COL23A1: variants seen among roughly 807,000 people sequenced by gnomAD.
The protein encoded by COL23A1 is collagen type XXIII alpha 1 chain, also known as collagen alpha-1(XXIII) chain.
In COL23A1, 97 loss-of-function variants were observed where a neutral mutation model predicts 99.3. That is an observed-to-expected ratio of 0.98 (90% CI 0.83 to 1.16). The LOEUF (loss-of-function observed/expected upper bound fraction) is 1.16, where lower values mean the gene tolerates loss of function less well. Ranked by LOEUF, COL23A1 falls within the 50% of genes most tolerant of loss-of-function variation. The probability of loss-of-function intolerance (pLI) is 0.00; values close to 1 mark genes in which losing one functional copy is unlikely to be tolerated. For missense variants in COL23A1, 762 were observed against 757.4 expected (o/e 1.01, Z -0.07); for synonymous variants, 320 against 308.2 (o/e 1.04, Z -0.40).
At chr5:178,431,671 C>T (rs1167318442) in intron 2 of COL23A1, among the ~76,000 whole-genome samples, 1 of 152,228 alleles carries the variant, frequency 6.6e-6, no homozygotes, top group Non-Finnish European at 1.5e-5. Flanking sequence ...GGATTCTCCC[C>T]TGGAGCCTCC....
intron 8 of COL23A1, among the ~76,000 whole-genome samples, chr5:178,266,462 T>C (rs1027110559): frequency 1.3e-5 from 2 of 151,316 alleles, no homozygotes; most frequent in Non-Finnish European, 2.9e-5. Context: ...ACGAGGAGGG[T>C]TGGGGGATTG....
At chr5:178,261,006 A>ATCTGTAG (rs201426642) in intron 11 of COL23A1, among the ~76,000 whole-genome samples, 29,855 of 152,120 alleles carry the variant, frequency 0.2, 3,218 homozygotes, top group Middle Eastern at 0.28. Context: ...TGGTCTGTCC[A>ATCTGTAG]CACAGGTGGG....
chr5:178,521,730 T>C (rs570668033), intron 2 of COL23A1, among the ~76,000 whole-genome samples: 159 of 152,318 alleles, frequency 1.0e-3, no homozygotes, highest in African/African-American at 3.6e-3. Context: ...GAAGTCCTTA[T>C]GCTAAGTGAA....
intron 2 of COL23A1, among the ~76,000 whole-genome samples, chr5:178,336,487 A>G (rs1054943684): frequency 2.0e-5 from 3 of 152,284 alleles, no homozygotes; most frequent in African/African-American, 7.2e-5. Context: ...AGCCAGGCAC[A>G]GAAGGCCTCA....
At chr5:178,529,092 T>C (rs1033205287) in intron 2 of COL23A1, among the ~76,000 whole-genome samples, 6 of 152,182 alleles carry the variant, frequency 3.9e-5, no homozygotes, top group Non-Finnish European at 8.8e-5. Context: ...CTGTTCTCCT[T>C]AGGGAGTTAT....
Position 178,383,350 on chromosome 5 carries a change from C to T in COL23A1, c.362-76431G>A, listed in dbSNP as rs141974608. 1.8e-3 allele frequency among the ~76,000 whole-genome samples: 279 copies of T among 152,314 alleles called. 4 individuals are homozygous for T. Among genetic ancestry groups the T allele is most frequent in the East Asian group, 0.016 (83 of 5,176 alleles). On this transcript the variant is annotated intron_variant, in intron 2 of 28. Coordinates refer to ENST00000390654, the MANE Select transcript of COL23A1 (RefSeq NM_173465.4). ...CTGATCAGAATTCTACAGACAAGGG[C>T]CCAGCCCTGACCCAGTCTGTGGTCA...
chr5:178,309,970 A>G lies in COL23A1; in HGVS notation c.362-3051T>C, dbSNP rs946104722. 2.0e-5 allele frequency among the ~76,000 whole-genome samples: 3 copies of G among 152,110 alleles called. No homozygotes were observed. The highest frequency in any genetic ancestry group is 2.0e-4 in the Admixed American group (3 of 15,270). Reference sequence around the variant, plus strand: ...GGGAGAGGGAGGGAGGGAGAAGGGGACAGGCAGGGAGGCCTCAGGTCTCCT... The same window carrying G: ...GGGAGAGGGAGGGAGGGAGAAGGGGGCAGGCAGGGAGGCCTCAGGTCTCCT... On this transcript the variant is annotated intron_variant, in intron 2 of 28. Transcript: ENST00000390654. The surrounding 1 kb of genome is among the most constrained non-coding windows in gnomAD (Gnocchi z 4.7).
intron 2 of COL23A1, among the ~76,000 whole-genome samples, chr5:178,341,889 G>A (rs1036635444): frequency 6.6e-5 from 10 of 152,092 alleles, no homozygotes; most frequent in African/African-American, 2.2e-4. Context: ...CTGCCTTCAC[G>A]TCTTTGCTCA....
chr5:178,348,017 C>T (rs1179604587), intron 2 of COL23A1, among the ~76,000 whole-genome samples: 1 of 152,074 alleles, frequency 6.6e-6, no homozygotes, highest in Non-Finnish European at 1.5e-5. Flanking sequence ...GAACTTTGAT[C>T]ATCCTCCCCT....
At chr5:178,414,280 G>C (rs1765189660) in intron 2 of COL23A1, among the ~76,000 whole-genome samples, 1 of 152,180 alleles carries the variant, frequency 6.6e-6, no homozygotes, top group African/African-American at 2.4e-5. Context: ...CCTGCTGGCA[G>C]ATGATTTATC....
At position 178,584,027 on chromosome 5, in the gene COL23A1, TG is replaced by T. The variant is rs1443362397; in HGVS notation, c.294+5876del. ...ACAGGCTTGCGCCACCATGCCCAGC[TG>T]ATTATTATTTTTTTTGAGATGTACT... is the stretch of plus-strand genomic sequence containing the variant. On this transcript the variant is annotated intron_variant, in intron 1 of 28. Coordinates refer to ENST00000390654, the MANE Select transcript of COL23A1 (RefSeq NM_173465.4). 5.3e-5 allele frequency among the ~76,000 whole-genome samples: 8 copies of T among 152,252 alleles called. No homozygotes were observed. In the South Asian group the frequency reaches 1.5e-3, roughly 28 times the overall value.
At position 178,387,384 on chromosome 5, in the gene COL23A1, C is replaced by T. The variant is rs895299859; in HGVS notation, c.362-80465G>A. On this transcript the variant is annotated intron_variant, in intron 2 of 28. Coordinates refer to ENST00000390654, the MANE Select transcript of COL23A1 (RefSeq NM_173465.4). The surrounding 1 kb of genome is among the most constrained non-coding windows in gnomAD (Gnocchi z 4.7). The stretch of plus-strand genomic sequence containing the variant: ...GTCTCTAAGACACTGCTGGGTCAAG[C>T]CTCAGTGCGTTTGCCCAGGTGGGTC... Among the ~76,000 whole-genome samples, 6 of 152,196 alleles carry T rather than the reference C, an allele frequency of 3.9e-5. No individual in the cohort carries two copies. Among genetic ancestry groups the T allele is most frequent in the African/African-American group, 1.4e-4 (6 of 41,436 alleles).
At chr5:178,278,090 G>T (rs2973763) in intron 5 of COL23A1, among the ~76,000 whole-genome samples, 9 of 152,206 alleles carry the variant, frequency 5.9e-5, no homozygotes, top group South Asian at 2.1e-4. Flanking sequence ...AGCAGCTGAC[G>T]GGAAGTGTGA....
chr5:178,581,017 T>TA (rs573818334), intron 1 of COL23A1, among the ~76,000 whole-genome samples: 86 of 152,046 alleles, frequency 5.7e-4, no homozygotes, highest in African/African-American at 1.9e-3. Flanking sequence ...CAAAAAGAAA[T>TA]AAAGTTTCCA....
At chr5:178,578,043 G>T (rs1189708227) in intron 1 of COL23A1, among the ~76,000 whole-genome samples, 1 of 151,816 alleles carries the variant, frequency 6.6e-6, no homozygotes, top group African/African-American at 2.4e-5. Flanking sequence ...ATGCACACAC[G>T]TGCATGCACA....
intron 11 of COL23A1, among the ~76,000 whole-genome samples, chr5:178,261,050 G>A (rs1050089108): frequency 1.3e-5 from 2 of 152,134 alleles, no homozygotes; most frequent in Non-Finnish European, 1.5e-5. Flanking sequence ...TCCACAGCGG[G>A]GGAGGGGGAT....
chr5:178,284,127 C>T (rs993071448), intron 5 of COL23A1, among the ~76,000 whole-genome samples: 1 of 152,230 alleles, frequency 6.6e-6, no homozygotes, highest in African/African-American at 2.4e-5. Context: ...TTTTGATCCA[C>T]AATGTTCTGA....
At position 178,238,455 on chromosome 5, in the gene COL23A1, C is replaced by T; in HGVS notation, c.*243G>A. 7.1e-6 allele frequency: 4 copies of T among 561,714 alleles called. No individual in the cohort carries two copies. Among genetic ancestry groups the T allele is most frequent in the Non-Finnish European group, 1.3e-5 (4 of 315,452 alleles). 34.8% of individuals were successfully genotyped at this position (561,714 alleles called of 1,614,324 possible). A position where few individuals can be genotyped will look rare whatever the true frequency, so the allele number is the denominator to read the frequency against. ...CCGAGCCAGGTGCTTCTACCTTCAT[C>T]TCCTTCCTGGGAAAGCCCAGGCCCA... is the stretch of plus-strand genomic sequence containing the variant. On this transcript the variant is annotated 3_prime_UTR_variant, in exon 29 of 29. Transcript: ENST00000390654.
chr5:178,534,240 G>A (rs867505729), intron 2 of COL23A1, among the ~76,000 whole-genome samples: 1 of 152,066 alleles, frequency 6.6e-6, no homozygotes, highest in Non-Finnish European at 1.5e-5. Context: ...CCATCTTATT[G>A]TACCTTCACA....
Sources: gnomAD v4.1 joint callset for allele counts (sites outside exome capture counted in the v4.1 genomes callset) on GRCh38, gnomAD v4.1.1 for gene constraint, Gnocchi (gnomAD v3.1) non-coding constraint, MANE v1.5 for transcripts, NCBI Gene and HGNC (gene_info 2026-07-23, HGNC 2026-07-21) for gene names.